The following AIG1 variants were observed in gnomAD, a reference collection of about 807,000 sequenced individuals.
AIG1 encodes androgen-induced gene 1 protein.
In AIG1, 23 loss-of-function variants were observed where a neutral mutation model predicts 31.4. The ratio of observed to expected loss-of-function variants is 0.73; its 90% CI spans 0.53 to 1.04. The LOEUF (loss-of-function observed/expected upper bound fraction) is 1.04, where lower values mean the gene tolerates loss of function less well. AIG1 is among the 50% of genes least tolerant of loss of function. The probability of loss-of-function intolerance (pLI) is 0.00; values close to 1 mark genes in which losing one functional copy is unlikely to be tolerated. For missense variants in AIG1, 274 were observed against 295.0 expected (o/e 0.93, Z 0.52); for synonymous variants, 100 against 110.5 (o/e 0.90, Z 0.60).
chr6:143,239,052 A>G (rs1794023421), intron 3 of AIG1, among the ~76,000 whole-genome samples: 1 of 152,194 alleles, frequency 6.6e-6, no homozygotes, highest in African/African-American at 2.4e-5. Context: ...CAGTCCACTC[A>G]TGGCAGAATT....
At chr6:143,320,302 T>A (rs1776106363) in intron 4 of AIG1, among the ~76,000 whole-genome samples, 1 of 152,164 alleles carries the variant, frequency 6.6e-6, no homozygotes, top group African/African-American at 2.4e-5. Flanking sequence ...TGGAAAATAG[T>A]GTGGAAGATC....
intron 1 of AIG1, among the ~76,000 whole-genome samples, chr6:143,071,475 G>C (rs1777251409): frequency 6.6e-6 from 1 of 152,166 alleles, no homozygotes; most frequent in African/African-American, 2.4e-5. Context: ...TGTATTCTGT[G>C]ATAGTTGCAA....
chr6:143,306,908 T>G (rs1799353290), intron 4 of AIG1, among the ~76,000 whole-genome samples: 1 of 152,184 alleles, frequency 6.6e-6, no homozygotes. Context: ...TTCTTTTTAT[T>G]CTTTTTTCTC....
At chr6:143,266,087 C>T (rs529421242) in intron 3 of AIG1, among the ~76,000 whole-genome samples, 4 of 152,200 alleles carry the variant, frequency 2.6e-5, no homozygotes, top group Non-Finnish European at 2.9e-5. Context: ...CCATGGCTCA[C>T]GCCTGTAATC....
At chr6:143,120,526 G>A (rs1782152483) in intron 1 of AIG1, among the ~76,000 whole-genome samples, 1 of 152,124 alleles carries the variant, frequency 6.6e-6, no homozygotes, top group Non-Finnish European at 1.5e-5. Flanking sequence ...GTGTGCAGGG[G>A]AACTCCCCTT....
chr6:143,201,733 G>A (rs982248477), intron 3 of AIG1, among the ~76,000 whole-genome samples: 32 of 152,226 alleles, frequency 2.1e-4, no homozygotes, highest in African/African-American at 6.5e-4. Context: ...TACGGACCTG[G>A]GGATCCTTTC....
At chr6:143,202,356 A>T (rs1452946708) in intron 3 of AIG1, among the ~76,000 whole-genome samples, 1 of 152,162 alleles carries the variant, frequency 6.6e-6, no homozygotes, top group Non-Finnish European at 1.5e-5. Flanking sequence ...TAATCACAAA[A>T]AAACAGGCAG....
rs141238201 is a variant in AIG1 at position 143,256,603 on chromosome 6, A to T, written c.400-27507A>T. Among the ~76,000 whole-genome samples the T allele has an allele frequency of 4.7e-3, 722 of 152,358 alleles. 7 individuals are homozygous for T. Among genetic ancestry groups the T allele is most frequent in the African/African-American group, 0.016 (678 of 41,586 alleles). On this transcript the variant is annotated intron_variant, in intron 3 of 5. Coordinates refer to ENST00000357847, the MANE Select transcript of AIG1 (RefSeq NM_016108.4). The surrounding 1 kb of genome is among the most constrained non-coding windows in gnomAD (Gnocchi z 4.6). ...TGGACATCGAGCAGATAAAAATGGA[A>T]CCGTTACAGCTGAAATAGGGTGGGA...
chr6:143,192,063 A>G (rs1054869466), intron 3 of AIG1, among the ~76,000 whole-genome samples: 3 of 152,244 alleles, frequency 2.0e-5, no homozygotes, highest in Admixed American at 6.5e-5. Flanking sequence ...AAAACATAAA[A>G]GTGATAAAAT....
intron 3 of AIG1, among the ~76,000 whole-genome samples, chr6:143,276,041 A>G (rs541919505): frequency 3.3e-5 from 5 of 152,308 alleles, no homozygotes; most frequent in African/African-American, 1.2e-4. Flanking sequence ...TGGTAATGCC[A>G]TGGCCCCTTA....
intron 5 of AIG1, chr6:143,339,210 C>T (rs1021027514): frequency 6.6e-6 from 1 of 152,480 alleles, no homozygotes; most frequent in African/African-American, 2.4e-5. Context: ...AAAGTCCTTG[C>T]CTTAGGAAGA....
At chr6:143,167,232 A>G (rs1268235529) in intron 3 of AIG1, among the ~76,000 whole-genome samples, 1 of 152,238 alleles carries the variant, frequency 6.6e-6, no homozygotes, top group Non-Finnish European at 1.5e-5. Flanking sequence ...CTCAATCAGG[A>G]GCAGGCTCTG....
intron 3 of AIG1, among the ~76,000 whole-genome samples, chr6:143,218,215 C>A (rs11969041): frequency 0.087 from 13,195 of 152,180 alleles, 1,145 homozygotes; most frequent in African/African-American, 0.19. Flanking sequence ...TGGGGAACAT[C>A]TTTACTCTCG....
intron 3 of AIG1, among the ~76,000 whole-genome samples, chr6:143,216,602 T>C (rs936970413): frequency 3.0e-4 from 46 of 152,352 alleles, no homozygotes; most frequent in African/African-American, 1.1e-3. Flanking sequence ...TGCTAGGATG[T>C]CTTGGCTTTT....
chr6:143,271,673 A>T (rs560137090), intron 3 of AIG1, among the ~76,000 whole-genome samples: 2 of 152,306 alleles, frequency 1.3e-5, no homozygotes, highest in African/African-American at 4.8e-5. Context: ...GTCGATGGAA[A>T]TGTGTTACTA....
rs1235654446 is a variant in AIG1, at chr6:143,136,865, G to A, written c.172G>A (p.Val58Met). ...CCAGGCTGTCTTTTTTGGCATCTGTGTGCTGACTGATCTTTCCAGTCTTCT... is the reference window on the plus strand; with the variant it reads ...CCAGGCTGTCTTTTTTGGCATCTGTATGCTGACTGATCTTTCCAGTCTTCT... The part of the protein sequence containing the change: ...VIQAVFFGIC[V>M]LTDLSSLLTR... Residue 58 changes from valine (V) to methionine (M), a missense_variant, in exon 2 of 6, where the codon GTG (valine) becomes ATG (methionine). By Grantham distance (21) the Val-to-Met change is conservative. Transcript: ENST00000357847. The A allele has an allele frequency of 1.3e-6, 2 of 1,505,814 alleles. No individual in the cohort carries two copies. The highest frequency in any genetic ancestry group is 1.8e-6 in the Non-Finnish European group (2 of 1,113,632). 93.3% of individuals were successfully genotyped at this position (1,505,814 alleles called of 1,614,324 possible). A position where few individuals can be genotyped will look rare whatever the true frequency, so the allele number is the denominator to read the frequency against.
At chr6:143,342,747 G>A (rs1010480020), downstream of AIG1, 132 of 850,734 alleles carry the variant, frequency 1.6e-4, 1 homozygote, top group Non-Finnish European at 2.3e-5. Flanking sequence ...GATGGCCAGC[G>A]GACTCAGGTA....
In AIG1 at chr6:143,268,797, C is replaced by G. The variant is rs1458819225; in HGVS notation, c.400-15313C>G. ...ATGCCAGGATGTGCCACACAGGTCCCCTTTGGGGATTGGACTTACTTCCCC... is the reference window on the plus strand; with the variant it reads ...ATGCCAGGATGTGCCACACAGGTCCGCTTTGGGGATTGGACTTACTTCCCC... On this transcript the variant is annotated intron_variant, in intron 3 of 5. Transcript: ENST00000357847. This position sits in a 1 kb window ranked among gnomAD's most constrained non-coding sequence, Gnocchi z 5.0. Among the ~76,000 whole-genome samples, 1 of 152,190 alleles carries G rather than the reference C, an allele frequency of 6.6e-6. No homozygotes were observed. The highest frequency in any genetic ancestry group is 1.5e-5 in the Non-Finnish European group (1 of 68,028).
intron 3 of AIG1, among the ~76,000 whole-genome samples, chr6:143,278,004 A>G (rs540742497): frequency 1.2e-4 from 19 of 152,338 alleles, no homozygotes; most frequent in Admixed American, 9.1e-4. Flanking sequence ...TTGTCCTTCT[A>G]TTAATCCACA....
Sources: gnomAD v4.1 joint callset for allele counts (sites outside exome capture counted in the v4.1 genomes callset) on GRCh38, gnomAD v4.1.1 for gene constraint, Gnocchi (gnomAD v3.1) non-coding constraint, MANE v1.5 for transcripts, NCBI Gene and HGNC (gene_info 2026-07-23, HGNC 2026-07-21) for gene names.